Variants in CIMAP1D observed in about 807,000 individuals in gnomAD.
The protein encoded by CIMAP1D is CIMAP1 family member D.
At chr19:481,964 T>C in the CIMAP1D span, among the ~76,000 whole-genome samples, 2 of 151,904 alleles carry the variant, frequency 1.3e-5, no homozygotes, top group African/African-American at 2.4e-5. Context: ...TGTGTGGAGA[T>C]GGGATCTTGC....
chr19:482,374 A>G, the CIMAP1D span, among the ~76,000 whole-genome samples: 39,263 of 151,940 alleles, frequency 0.26, 5,093 homozygotes, highest in East Asian at 0.28. Flanking sequence ...CCTTGGGCCA[A>G]TGGTGCTCAG....
the CIMAP1D span, among the ~76,000 whole-genome samples, chr19:470,359 A>G: frequency 7.1e-6 from 1 of 140,678 alleles, no homozygotes; most frequent in Non-Finnish European, 1.5e-5. Context: ...GGCGCCCGCC[A>G]CCACGCCCGG....
the CIMAP1D span, chr19:463,953 C>T: frequency 6.2e-7 from 1 of 1,611,542 alleles, no homozygotes; most frequent in South Asian, 1.1e-5. Context: ...CGCTGGAGCC[C>T]TGGCTTTGTT....
the CIMAP1D span, chr19:474,736 G>T: frequency 6.5e-7 from 1 of 1,540,050 alleles, no homozygotes; most frequent in Non-Finnish European, 8.8e-7. Context: ...AGTCGCAGCT[G>T]AGGGTCCCCA....
At chr19:466,153 G>A in the CIMAP1D span, among the ~76,000 whole-genome samples, 3 of 129,160 alleles carry the variant, frequency 2.3e-5, no homozygotes, top group South Asian at 2.8e-4. Flanking sequence ...GAATGGATGG[G>A]TGGATACATG....
At chr19:474,471 T>C in the CIMAP1D span, 1 of 790,748 alleles carries the variant, frequency 1.3e-6, no homozygotes, top group East Asian at 3.4e-5. Flanking sequence ...ACACCCATCC[T>C]GCCGGAAGGA....
At chr19:471,274 G>A in the CIMAP1D span, among the ~76,000 whole-genome samples, 4 of 150,224 alleles carry the variant, frequency 2.7e-5, no homozygotes, top group African/African-American at 7.4e-5. Flanking sequence ...TCAGCTTCCC[G>A]AATAGCTGGG....
the CIMAP1D span, chr19:463,867 T>C: frequency 6.2e-7 from 1 of 1,609,914 alleles, no homozygotes; most frequent in Non-Finnish European, 8.5e-7. Context: ...CCGGGCAGCC[T>C]GTGCCCCGCA....
At chr19:464,126 C>A in the CIMAP1D span, 1 of 1,283,174 alleles carries the variant, frequency 7.8e-7, no homozygotes, top group Non-Finnish European at 9.8e-7. Flanking sequence ...CAGCAGGATC[C>A]TGCGGGGGGC....
chr19:467,708 G>C, the CIMAP1D span: 39 of 1,611,874 alleles, frequency 2.4e-5, no homozygotes, highest in Non-Finnish European at 3.2e-5. Context: ...GCCAAAGCGT[G>C]TGACTTTGGG....
chr19:478,031 G>A, the CIMAP1D span, among the ~76,000 whole-genome samples: 6 of 152,184 alleles, frequency 3.9e-5, no homozygotes, highest in African/African-American at 1.2e-4. Flanking sequence ...CCTCGGTCAC[G>A]AGGGCCCCCA....
the CIMAP1D span, among the ~76,000 whole-genome samples, chr19:485,926 G>T: frequency 6.6e-6 from 1 of 151,720 alleles, no homozygotes; most frequent in African/African-American, 2.4e-5. Flanking sequence ...TCCTTTGTCC[G>T]GCGGCCAGCC....
chr19:475,613 C>T, the CIMAP1D span, among the ~76,000 whole-genome samples: 1 of 152,100 alleles, frequency 6.6e-6, no homozygotes, highest in Non-Finnish European at 1.5e-5. Context: ...GTCCTCACTG[C>T]CTCCCAGATG....
chr19:463,916 T>C, the CIMAP1D span: 20 of 1,611,450 alleles, frequency 1.2e-5, no homozygotes, highest in Non-Finnish European at 1.7e-5. Flanking sequence ...TGCTGGCCCG[T>C]TTCGAGTGGC....
At chr19:480,494 GGATGATGGA>G in the CIMAP1D span, among the ~76,000 whole-genome samples, 1 of 114,634 alleles carries the variant, frequency 8.7e-6, no homozygotes, top group African/African-American at 6.6e-5. Context: ...ATGATGGTAA[GGATGATGGA>G]GAAGGATGAT....
chr19:481,828 T>A, the CIMAP1D span, among the ~76,000 whole-genome samples: 1 of 144,518 alleles, frequency 6.9e-6, no homozygotes, highest in East Asian at 2.0e-4. Context: ...GGCTGGAGAG[T>A]GCAGTGGTGC....
the CIMAP1D span, among the ~76,000 whole-genome samples, chr19:484,641 C>T: frequency 6.6e-5 from 10 of 152,304 alleles, no homozygotes; most frequent in Admixed American, 1.3e-4. Flanking sequence ...CAGACATCTA[C>T]GGGGTGTCTG....
chr19:478,084 G>C, the CIMAP1D span, among the ~76,000 whole-genome samples: 1 of 152,224 alleles, frequency 6.6e-6, no homozygotes, highest in East Asian at 1.9e-4. Flanking sequence ...CACACCATTT[G>C]CTCGTTTCCA....
At chr19:486,241 C>T in the CIMAP1D span, among the ~76,000 whole-genome samples, 2 of 152,176 alleles carry the variant, frequency 1.3e-5, no homozygotes, top group African/African-American at 4.8e-5. Flanking sequence ...GTGGGCTCTG[C>T]TGTAGCCTGC....
Sources: allele counts gnomAD v4.1 joint callset (sites outside exome capture counted in the v4.1 genomes callset), GRCh38; gene constraint gnomAD v4.1.1; transcripts MANE v1.5; gene names NCBI Gene and HGNC (gene_info 2026-07-23, HGNC 2026-07-21).